Variants in HTR1F observed in about 807,000 individuals in gnomAD.
HTR1F encodes the protein 5-hydroxytryptamine receptor 1F.
In HTR1F, 17 loss-of-function variants were observed where a neutral mutation model predicts 24.0. The ratio of observed to expected loss-of-function variants is 0.71; its 90% CI spans 0.48 to 1.06. The LOEUF is 1.06. Ranked by LOEUF, HTR1F falls within the 50% of genes least tolerant of loss-of-function variation. HTR1F has a pLI of 0.00. For synonymous variants in HTR1F, 186 were observed against 156.8 expected, an observed-to-expected ratio of 1.19 and a Z score of -1.39; for missense variants, 391 against 427.8, an observed-to-expected ratio of 0.91 and a Z score of 0.76.
At chr3:87,817,798 G>T (rs1375250985) in intron 1 of HTR1F, among the ~76,000 whole-genome samples, 3 of 152,092 alleles carry the variant, frequency 2.0e-5, no homozygotes, top group Non-Finnish European at 2.9e-5. Context: ...TAACTGTATG[G>T]CAAAGTTTTC....
intron 1 of HTR1F, among the ~76,000 whole-genome samples, chr3:87,797,965 C>T (rs1481415711): frequency 2.0e-5 from 3 of 152,188 alleles, no homozygotes; most frequent in Non-Finnish European, 4.4e-5. Context: ...GGTTGAGGAA[C>T]AGGGACAGTG....
intron 2 of HTR1F, among the ~76,000 whole-genome samples, chr3:87,989,636 T>C (rs1478369663): frequency 1.3e-5 from 2 of 152,202 alleles, no homozygotes; most frequent in Non-Finnish European, 2.9e-5. Context: ...ATAAGCCTAA[T>C]GATAATGTTC....
At chr3:87,877,944 C>A (rs1002547699) in intron 2 of HTR1F, among the ~76,000 whole-genome samples, 1 of 152,124 alleles carries the variant, frequency 6.6e-6, no homozygotes, top group African/African-American at 2.4e-5. Flanking sequence ...AAAGTTTATC[C>A]AATTTCTCTC....
At chr3:87,830,207 C>T (rs1164350341) in intron 2 of HTR1F, among the ~76,000 whole-genome samples, 3 of 152,144 alleles carry the variant, frequency 2.0e-5, no homozygotes, top group African/African-American at 4.8e-5. Context: ...CTATGAGCCC[C>T]TTGAAATTGT....
chr3:87,835,871 C>T (rs1704672715), intron 2 of HTR1F, among the ~76,000 whole-genome samples: 1 of 152,118 alleles, frequency 6.6e-6, no homozygotes, highest in Non-Finnish European at 1.5e-5. Context: ...TGGGTCTGCA[C>T]ATTATAAAGC....
At chr3:87,962,719 A>G (rs1256369436) in intron 2 of HTR1F, among the ~76,000 whole-genome samples, 1 of 152,040 alleles carries the variant, frequency 6.6e-6, no homozygotes, top group Non-Finnish European at 1.5e-5. Context: ...TTTTATATAT[A>G]CAGAATCTCT....
intron 2 of HTR1F, among the ~76,000 whole-genome samples, chr3:87,984,349 A>G (rs1454226018): frequency 6.6e-6 from 1 of 151,656 alleles, no homozygotes; most frequent in East Asian, 1.9e-4. Flanking sequence ...CTAGCTTCTT[A>G]ATGACAAGTA....
At chr3:87,813,339 G>A (rs964931805) in intron 1 of HTR1F, among the ~76,000 whole-genome samples, 3 of 152,202 alleles carry the variant, frequency 2.0e-5, no homozygotes, top group African/African-American at 7.2e-5. Flanking sequence ...CTTTTATGGG[G>A]CCTGTAGGCC....
chr3:87,913,949 C>T (rs1576022362), intron 2 of HTR1F, among the ~76,000 whole-genome samples: 1 of 152,082 alleles, frequency 6.6e-6, no homozygotes, highest in East Asian at 1.9e-4. Context: ...TGCTCCACAA[C>T]AACTGAAGGA....
intron 1 of HTR1F, among the ~76,000 whole-genome samples, chr3:87,816,806 T>G (rs1191093699): frequency 6.6e-6 from 1 of 152,108 alleles, no homozygotes; most frequent in African/African-American, 2.4e-5. Flanking sequence ...CATGTTTAAC[T>G]AGCAAATGAA....
intron 1 of HTR1F, among the ~76,000 whole-genome samples, chr3:87,816,241 G>A (rs1300753572): frequency 1.3e-5 from 2 of 151,966 alleles, no homozygotes; most frequent in Non-Finnish European, 2.9e-5. Flanking sequence ...TCACTTGGCA[G>A]CATTTGACCA....
At chr3:87,903,227 T>A (rs1407485710) in intron 2 of HTR1F, among the ~76,000 whole-genome samples, 15 of 150,776 alleles carry the variant, frequency 9.9e-5, no homozygotes, top group African/African-American at 3.4e-4. Context: ...AAGGACTTCA[T>A]GTCTAAAACA....
chr3:87,827,970 G>A (rs1704498748), intron 2 of HTR1F, among the ~76,000 whole-genome samples: 1 of 152,032 alleles, frequency 6.6e-6, no homozygotes, highest in Non-Finnish European at 1.5e-5. Context: ...TCAGTTAAGG[G>A]CCAGAGAGAG....
intron 2 of HTR1F, among the ~76,000 whole-genome samples, chr3:87,947,719 T>C (rs1189091732): frequency 6.6e-6 from 1 of 152,150 alleles, no homozygotes; most frequent in East Asian, 1.9e-4. Flanking sequence ...TGAAGATTAA[T>C]TGACATAATA....
At chr3:87,902,916 C>T (rs1323326849) in intron 2 of HTR1F, among the ~76,000 whole-genome samples, 1 of 151,738 alleles carries the variant, frequency 6.6e-6, no homozygotes, top group Non-Finnish European at 1.5e-5. Context: ...TGTACTGGTA[C>T]CAAAACAGAG....
chr3:87,918,227 A>T (rs1703938279), intron 2 of HTR1F, among the ~76,000 whole-genome samples: 1 of 152,104 alleles, frequency 6.6e-6, no homozygotes, highest in South Asian at 2.1e-4. Flanking sequence ...ACGTCAATAT[A>T]ATAAAAGCCA....
intron 2 of HTR1F, among the ~76,000 whole-genome samples, chr3:87,988,566 T>C (rs1383782864): frequency 6.6e-6 from 1 of 152,194 alleles, no homozygotes; most frequent in East Asian, 1.9e-4. Flanking sequence ...CAAAGTTTTT[T>C]GTTTTGGTTT....
chr3:87,858,740 T>C (rs1705254148), intron 2 of HTR1F, among the ~76,000 whole-genome samples: 1 of 152,194 alleles, frequency 6.6e-6, no homozygotes, highest in South Asian at 2.1e-4. Flanking sequence ...GCAAGTGTGA[T>C]ACCTTTACTA....
intron 2 of HTR1F, among the ~76,000 whole-genome samples, chr3:87,969,414 T>A (rs1263881770): frequency 6.6e-6 from 1 of 152,188 alleles, no homozygotes; most frequent in Admixed American, 6.5e-5. Context: ...TGCATCAGCA[T>A]GACCTGGATG....
Sources: allele counts gnomAD v4.1 joint callset (sites outside exome capture counted in the v4.1 genomes callset), GRCh38; gene constraint gnomAD v4.1.1; transcripts MANE v1.5; gene names NCBI Gene and HGNC (gene_info 2026-07-23, HGNC 2026-07-21).